Variants in ZSWIM9 observed in about 807,000 individuals in gnomAD.
ZSWIM9 encodes the protein uncharacterized protein ZSWIM9.
A neutral mutation model predicts 25.0 loss-of-function variants in ZSWIM9; 11 were observed. That is an observed-to-expected ratio of 0.44 (90% confidence interval 0.28 to 0.73). The LOEUF is 0.73. Ranked by LOEUF, ZSWIM9 falls within the 30% of genes least tolerant of loss-of-function variation. The pLI is 0.16. For synonymous variants in ZSWIM9, 562 were observed against 582.1 expected (o/e 0.97, Z 0.50); for missense variants, 1,070 against 1,296.5 (o/e 0.83, Z 2.68).
intron 3 of ZSWIM9, chr19:48,193,273 A>G (rs1468169517): frequency 6.5e-6 from 1 of 154,260 alleles, no homozygotes; most frequent in Non-Finnish European, 1.5e-5. Flanking sequence ...TAATAGGCAA[A>G]TCCAGGAGTC....
intron 2 of ZSWIM9, chr19:48,180,722 C>G (rs1035647470): frequency 6.6e-6 from 1 of 151,484 alleles, no homozygotes; most frequent in African/African-American, 2.4e-5. Flanking sequence ...TGCTCGGAAA[C>G]AAAGAGTTTT....
chr19:48,178,575 C>T (rs2036916002), intron 2 of ZSWIM9, among the ~76,000 whole-genome samples: 1 of 98,618 alleles, frequency 1.0e-5, no homozygotes, highest in Admixed American at 9.2e-5. Flanking sequence ...CTGCAGCCTA[C>T]TTTTTTTTTT....
At chr19:48,175,531 G>C (rs1470523131) in intron 2 of ZSWIM9, among the ~76,000 whole-genome samples, 1 of 152,156 alleles carries the variant, frequency 6.6e-6, no homozygotes, top group African/African-American at 2.4e-5. Flanking sequence ...GCAGGGCTGA[G>C]TACAGGAGTT....
chr19:48,187,470 T>TTA (rs1373615344), intron 3 of ZSWIM9, among the ~76,000 whole-genome samples: 1 of 86,716 alleles, frequency 1.2e-5, no homozygotes, highest in Non-Finnish European at 2.1e-5. Flanking sequence ...ATTATATATA[T>TTA]TATATATATT....
intron 3 of ZSWIM9, among the ~76,000 whole-genome samples, chr19:48,183,831 C>A (rs11083920): frequency 4.9e-5 from 7 of 143,606 alleles, no homozygotes; most frequent in South Asian, 2.2e-4. Context: ...AGATGTTTGG[C>A]GGGGGGGGGT....
chr19:48,182,631 CCAA>C lies in ZSWIM9; in HGVS notation c.456_458del (p.Asn152del), dbSNP rs1254597369. ...AACGCCTGCCTGCCGGTGCGCACCA[CCAA>C]CAAGATCTCCAAGCAGTTCGTGGCC... is the stretch of plus-strand genomic sequence containing the variant. On this transcript the variant is annotated inframe_deletion, in exon 3 of 4. Coordinates refer to ENST00000614654, the MANE Select transcript of ZSWIM9 (RefSeq NM_199341.4). This position sits in a 1 kb window ranked among gnomAD's most constrained non-coding sequence, Gnocchi z 4.6. 7 of 1,535,806 alleles carry C rather than the reference CCAA, an allele frequency of 4.6e-6. No individual in the cohort carries two copies. The highest frequency in any genetic ancestry group is 6.1e-6 in the Non-Finnish European group (7 of 1,146,664).
In ZSWIM9 at chr19:48,171,917, C is replaced by G; in HGVS notation, c.115C>G (p.Gln39Glu). The change falls in exon 2 of 4, where the codon CAG (glutamine) becomes GAG (glutamate). Residue 39 changes from glutamine (Q) to glutamate (E), a missense_variant. Physicochemically the swap from Gln to Glu is conservative, Grantham distance 29. Around this residue, in one of 4 missense-constraint regions of ZSWIM9, gnomAD observed 265 missense variants for 339.0 expected, o/e 0.78. Coordinates refer to ENST00000614654, the MANE Select transcript of ZSWIM9 (RefSeq NM_199341.4). ...CAGCCGCTTCTTCGACGCGTGGTGCCAGCAGCGGCTGGCGCTCTTCTTCGT... is the reference window on the plus strand; with the variant it reads ...CAGCCGCTTCTTCGACGCGTGGTGCGAGCAGCGGCTGGCGCTCTTCTTCGT... ...EFSRFFDAWC[Q>E]QRLALFFVKS... 6.5e-7 allele frequency: 1 copy of G among 1,535,868 alleles called. No individual in the cohort carries two copies. The highest frequency in any genetic ancestry group is 2.4e-5 in the East Asian group (1 of 40,910).
In ZSWIM9 at chr19:48,196,914, G is replaced by A; in HGVS notation, c.*87G>A. 8.2e-7 allele frequency: 1 copy of A among 1,225,900 alleles called. No individual in the cohort carries two copies. Among genetic ancestry groups the A allele is most frequent in the South Asian group, 3.5e-5 (1 of 28,850 alleles). The allele number at this position is 1,225,900 out of a possible 1,614,324, so 75.9% of individuals were successfully genotyped here. ...AAGATAATAGGGCTGAGGCCAAGGA[G>A]ACCGTTGCAGTCCCCCTGGCCACCT... On this transcript the variant is annotated 3_prime_UTR_variant, in exon 4 of 4. Transcript: ENST00000614654.
intron 2 of ZSWIM9, among the ~76,000 whole-genome samples, chr19:48,178,501 C>T (rs993913674): frequency 4.6e-5 from 7 of 152,078 alleles, no homozygotes; most frequent in Non-Finnish European, 1.0e-4. Context: ...AACTACATAC[C>T]AGGCCCCGGG....
At chr19:48,172,285 C>T (rs962556268) in intron 2 of ZSWIM9, among the ~76,000 whole-genome samples, 7 of 150,694 alleles carry the variant, frequency 4.6e-5, no homozygotes, top group Non-Finnish European at 7.4e-5. Flanking sequence ...AAGATACTCA[C>T]GGAGCAAGAG....
rs57895777 is a variant in ZSWIM9, at chr19:48,192,449, C to CA, written c.589-2172dup. Among the ~76,000 whole-genome samples the CA allele has an allele frequency of 1.3e-3, 12 of 9,222 alleles. 1 individual carries two copies. Among genetic ancestry groups the CA allele is most frequent in the Admixed American group, 1.9e-3 (1 of 522 alleles). 6.0% of individuals were successfully genotyped at this position (9,222 alleles called of 152,430 possible). A position where few individuals can be genotyped will look rare whatever the true frequency, so the allele number is the denominator to read the frequency against. On this transcript the variant is annotated intron_variant, in intron 3 of 3. Coordinates refer to ENST00000614654, the MANE Select transcript of ZSWIM9 (RefSeq NM_199341.4). Reference sequence around the variant, plus strand: ...AGGGCGACAGAGTGAGACTCTGTCTCAAAAAAAAAAAAAAAAAAAAAAAAA... The same window carrying CA: ...AGGGCGACAGAGTGAGACTCTGTCTCAAAAAAAAAAAAAAAAAAAAAAAAAA...
intron 1 of ZSWIM9, chr19:48,171,306 G>A: frequency 1.0e-6 from 1 of 985,384 alleles, no homozygotes; most frequent in Non-Finnish European, 1.2e-6. Context: ...CACATCTGGA[G>A]ATGGAGCGTC....
chr19:48,178,207 T>G (rs1424619043), intron 2 of ZSWIM9, among the ~76,000 whole-genome samples: 2 of 152,208 alleles, frequency 1.3e-5, no homozygotes, highest in African/African-American at 4.8e-5. Flanking sequence ...CTTGTTACTT[T>G]AAATGAGGCA....
intron 3 of ZSWIM9, among the ~76,000 whole-genome samples, chr19:48,186,357 GTGGCACGCTGT>G (rs2037011575): frequency 6.6e-6 from 1 of 151,978 alleles, no homozygotes; most frequent in Admixed American, 6.6e-5. Flanking sequence ...CTGGAGTGCA[GTGGCACGCTGT>G]TGGCTCACTA....
chr19:48,196,281 G>A lies in ZSWIM9; in HGVS notation c.2217G>A (p.Val739=). Residue 739 remains valine, a synonymous_variant, in exon 4 of 4, where the codon GTG becomes GTA. Transcript: ENST00000614654. ...GAGATGGAGGGGGAGCCCGGTCCGT[G>A]GGCCCCAAGAGCCGAGCCGGACGAG... ...ENGDGGGARS[V]GPKSRAGRGM... is the part of the protein sequence containing the mutation. 8.1e-7 allele frequency: 1 copy of A among 1,233,678 alleles called. No individual in the cohort carries two copies. The highest frequency in any genetic ancestry group is 1.0e-6 in the Non-Finnish European group (1 of 989,100). 76.4% of individuals were successfully genotyped at this position (1,233,678 alleles called of 1,614,324 possible). A position where few individuals can be genotyped will look rare whatever the true frequency, so the allele number is the denominator to read the frequency against.
intron 2 of ZSWIM9, among the ~76,000 whole-genome samples, chr19:48,175,226 A>G (rs1191431895): frequency 6.6e-6 from 1 of 152,214 alleles, no homozygotes; most frequent in African/African-American, 2.4e-5. Context: ...AAGGAGCAGG[A>G]GAGACAGGAC....
chr19:48,172,110 G>A, intron 2 of ZSWIM9, 33 bp downstream of exon 2: 1 of 1,479,694 alleles, frequency 6.8e-7, no homozygotes. Context: ...CCTGCTGGGG[G>A]GAAGGGGAGC....
Position 48,195,199 on chromosome 19 carries a change from C to A in ZSWIM9, c.1135C>A (p.Arg379Ser). The change falls in exon 4 of 4, where the codon CGC becomes AGC. Residue 379 changes from arginine to serine, a missense_variant. Transcript: ENST00000614654. The surrounding 1 kb of genome is among the most constrained non-coding windows in gnomAD (Gnocchi z 5.8). ...GPAAFVDYFE[R>S]NWEPRRDMWV... ...AGCCGCCTTCGTGGACTACTTCGAG[C>A]GCAACTGGGAGCCCCGCCGCGACAT... is the stretch of plus-strand genomic sequence containing the variant. 1.3e-6 allele frequency: 2 copies of A among 1,525,976 alleles called. No individual in the cohort carries two copies. 94.5% of individuals were successfully genotyped at this position (1,525,976 alleles called of 1,614,324 possible). A position where few individuals can be genotyped will look rare whatever the true frequency, so the allele number is the denominator to read the frequency against.
rs550965226 is a variant in ZSWIM9 at position 48,171,870 on chromosome 19, C to T, written c.68C>T (p.Ala23Val). 1 of 1,535,520 alleles carries T rather than the reference C, an allele frequency of 6.5e-7. No homozygotes were observed. The highest frequency in any genetic ancestry group is 1.2e-5 in the South Asian group (1 of 84,016). The change falls in exon 2 of 4, where the codon GCC becomes GTC. Residue 23 changes from alanine (A) to valine (V), a missense_variant. By Grantham distance (64) the Ala-to-Val change is moderately conservative. This residue lies in a region of ZSWIM9 where 265 missense variants were observed against 339.0 expected (regional missense o/e 0.78). Transcript: ENST00000614654. ...GQEEQELRER[A>V]FFSWAEFSRF... is the part of the protein sequence containing the mutation. Reference sequence around the variant, plus strand: ...GAGGAGCAGGAGCTGCGGGAGCGGGCCTTCTTCTCGTGGGCCGAGTTCAGC... The same window carrying T: ...GAGGAGCAGGAGCTGCGGGAGCGGGTCTTCTTCTCGTGGGCCGAGTTCAGC...
Sources: gnomAD v4.1 joint callset for allele counts (sites outside exome capture counted in the v4.1 genomes callset) on GRCh38, gnomAD v4.1.1 for gene constraint, gnomAD v4.1.1 regional missense constraint, Gnocchi (gnomAD v3.1) non-coding constraint, MANE v1.5 for transcripts, NCBI Gene and HGNC (gene_info 2026-07-23, HGNC 2026-07-21) for gene names.